The following CC2D1A variants were observed in gnomAD, a reference collection of about 807,000 sequenced individuals.
CC2D1A encodes the protein coiled-coil and C2 domain containing 1A, also known as coiled-coil and C2 domain-containing protein 1A.
Under a neutral mutation model 123.8 loss-of-function variants are expected in CC2D1A, and 68 were observed. The observed-to-expected ratio is 0.55, with a 90% CI of 0.45 to 0.67. The LOEUF is 0.67. Ranked by LOEUF, CC2D1A falls within the 30% of genes least tolerant of loss-of-function variation. The pLI is 0.00. For missense variants in CC2D1A, 1,185 were observed against 1,290.3 expected, an observed-to-expected ratio of 0.92 and a Z score of 1.25; for synonymous variants, 477 against 528.0, an observed-to-expected ratio of 0.90 and a Z score of 1.32.
In CC2D1A at chr19:13,918,772, C is replaced by A; in HGVS notation, c.973C>A (p.Pro325Thr). The change falls in exon 9 of 29, where the codon CCA becomes ACA. Residue 325 changes from proline to threonine, a missense_variant. Transcript: ENST00000318003. Reference sequence around the variant, plus strand: ...CCAGCTGCCCCCAGACCCACCGTCACCACCGTCGCAGCCTCCGACCCCCGC... The same window carrying A: ...CCAGCTGCCCCCAGACCCACCGTCAACACCGTCGCAGCCTCCGACCCCCGC... ...PDQLPPDPPS[P>T]PSQPPTPATA... 1 of 1,613,320 alleles carries A rather than the reference C, an allele frequency of 6.2e-7. No homozygotes were observed. Among genetic ancestry groups the A allele is most frequent in the Non-Finnish European group, 8.5e-7 (1 of 1,179,676 alleles).
At chr19:13,907,445 C>T (rs986538270) in intron 1 of CC2D1A, among the ~76,000 whole-genome samples, 3 of 151,812 alleles carry the variant, frequency 2.0e-5, no homozygotes, top group Non-Finnish European at 4.4e-5. Context: ...AATGGAAGTC[C>T]GGGGTGGTGT....
Position 13,918,925 on chromosome 19 carries a change from C to T in CC2D1A, c.1032C>T (p.Pro344=), listed in dbSNP as rs1971304149. The stretch of plus-strand genomic sequence containing the variant: ...TGTCCGGCCCAGAGGTGCCCCCACC[C>T]CCGAGGACCCTGCTGGAGGCGCTGG... The part of the protein sequence containing the change: ...TAPSTTEVPP[P]PRTLLEALEQ... Residue 344 remains proline, a synonymous_variant, in exon 10 of 29, where the codon CCC becomes CCT. Coordinates refer to ENST00000318003, the MANE Select transcript of CC2D1A (RefSeq NM_017721.5). 1 of 1,610,568 alleles carries T rather than the reference C, an allele frequency of 6.2e-7. No individual in the cohort carries two copies. Among genetic ancestry groups the T allele is most frequent in the Non-Finnish European group, 8.5e-7 (1 of 1,178,018 alleles).
At position 13,927,941 on chromosome 19, in the gene CC2D1A, C is replaced by A; in HGVS notation, c.2365C>A (p.Arg789=). 1 of 1,613,536 alleles carries A rather than the reference C, an allele frequency of 6.2e-7. No homozygotes were observed. Among genetic ancestry groups the A allele is most frequent in the Non-Finnish European group, 8.5e-7 (1 of 1,179,894 alleles). ...AGGGGGGCGACTGGAGGTAATGGTC[C>A]GGATTCGGGAGCCACTGACAGCCCA... ...PTGGRLEVMV[R]IREPLTAQQL... The change falls in exon 23 of 29, where the codon CGG becomes AGG. Residue 789 remains arginine, a synonymous_variant. Transcript: ENST00000318003.
At position 13,906,738 on chromosome 19, in the gene CC2D1A, C is replaced by G. The variant is rs1023066460; in HGVS notation, c.60+237C>G. The stretch of plus-strand genomic sequence containing the variant: ...CACCTGTTGCCACAGCTGCTCCAGT[C>G]GAGGAGGGGCAGTCCTCGGACTTGA... On this transcript the variant is annotated intron_variant, in intron 1 of 28. Transcript: ENST00000318003. The surrounding 1 kb of genome is among the most constrained non-coding windows in gnomAD (Gnocchi z 4.1). Among the ~76,000 whole-genome samples, 1 of 152,204 alleles carries G rather than the reference C, an allele frequency of 6.6e-6. No individual in the cohort carries two copies. The highest frequency in any genetic ancestry group is 6.5e-5 in the Admixed American group (1 of 15,274).
At position 13,928,010 on chromosome 19, in the gene CC2D1A, G is replaced by C. The variant is rs897012926; in HGVS notation, c.2434G>C (p.Val812Leu). 15 of 1,613,676 alleles carry C rather than the reference G, an allele frequency of 9.3e-6. No individual in the cohort carries two copies. Among genetic ancestry groups the C allele is most frequent in the Non-Finnish European group, 1.2e-5 (14 of 1,179,864 alleles). The change falls in exon 23 of 29, where the codon GTG (valine) becomes CTG (leucine). Residue 812 changes from valine to leucine, a missense_variant. Physicochemically the swap from Val to Leu is conservative, Grantham distance 32. Coordinates refer to ENST00000318003, the MANE Select transcript of CC2D1A (RefSeq NM_017721.5). ...AGAGAGGTGGCTGGTCATTGACCCTGTGCCGGCAGCTGTGCCCACAGTGAG... is the reference window on the plus strand; with the variant it reads ...AGAGAGGTGGCTGGTCATTGACCCTCTGCCGGCAGCTGTGCCCACAGTGAG... ...TTERWLVIDP[V>L]PAAVPTQVAG...
intron 6 of CC2D1A, among the ~76,000 whole-genome samples, chr19:13,916,863 G>A (rs1182928923): frequency 6.6e-6 from 1 of 152,102 alleles, no homozygotes; most frequent in Non-Finnish European, 1.5e-5. Context: ...TGTCTTTATT[G>A]TACTGTGTTA....
chr19:13,911,653 C>T, intron 2 of CC2D1A, among the ~76,000 whole-genome samples: 1 of 147,218 alleles, frequency 6.8e-6, no homozygotes, highest in Non-Finnish European at 1.5e-5. Context: ...TTAAGTGATT[C>T]TCCTGCCTCA....
In CC2D1A at chr19:13,930,482, A is replaced by G; in HGVS notation, c.*87A>G. 1 of 1,420,462 alleles carries G rather than the reference A, an allele frequency of 7.0e-7. No homozygotes were observed. Among genetic ancestry groups the G allele is most frequent in the South Asian group, 1.4e-5 (1 of 72,278 alleles). The allele number at this position is 1,420,462 out of a possible 1,614,324, so 88.0% of individuals were successfully genotyped here. A position where few individuals can be genotyped will look rare whatever the true frequency, so the allele number is the denominator to read the frequency against. On this transcript the variant is annotated 3_prime_UTR_variant, in exon 29 of 29. Coordinates refer to ENST00000318003, the MANE Select transcript of CC2D1A (RefSeq NM_017721.5). The surrounding 1 kb of genome is among the most constrained non-coding windows in gnomAD (Gnocchi z 6.8). ...CGACACAGCCACGAACCAGACAAGC[A>G]GACAATCAGCGGACAATCGGTTCTG...
intron 4 of CC2D1A, among the ~76,000 whole-genome samples, chr19:13,912,938 G>A (rs534850029): frequency 1.3e-5 from 2 of 152,312 alleles, no homozygotes; most frequent in South Asian, 2.1e-4. Context: ...GAGCCACCGC[G>A]CCTGGCCCAC....
In CC2D1A at chr19:13,920,799, G is replaced by T; in HGVS notation, c.1518G>T (p.Gln506His). ...AGGGCCGCAAGAAGCAGCTCCTGCA[G>T]GCCGCACTGCGAGCCAAGCAGAAAA... ...FLEGRKKQLL[Q>H]AALRAKQKND... Residue 506 changes from glutamine to histidine, a missense_variant, in exon 14 of 29, where the codon CAG (glutamine) becomes CAT (histidine). Physicochemically the swap from Gln to His is conservative, Grantham distance 24. Transcript: ENST00000318003. 6.2e-6 allele frequency: 10 copies of T among 1,614,152 alleles called. No individual in the cohort carries two copies. Among genetic ancestry groups the T allele is most frequent in the Non-Finnish European group, 8.5e-6 (10 of 1,179,996 alleles).
At chr19:13,914,636 A>G (rs1971137652) in intron 6 of CC2D1A, among the ~76,000 whole-genome samples, 1 of 143,550 alleles carries the variant, frequency 7.0e-6, no homozygotes, top group Admixed American at 7.0e-5. Flanking sequence ...GCCAGGCCTC[A>G]TCGCCTTTTT....
At position 13,925,989 on chromosome 19, in the gene CC2D1A, C is replaced by CGT. The variant is rs1163076274; in HGVS notation, c.1941-528_1941-527insGT. On this transcript the variant is annotated intron_variant, in intron 17 of 28. Coordinates refer to ENST00000318003, the MANE Select transcript of CC2D1A (RefSeq NM_017721.5). ...GTATATATATGTGTATATATATATA[C>CGT]ATATATGTGTGTATATATATATATA... 3.0e-3 allele frequency among the ~76,000 whole-genome samples: 171 copies of CGT among 57,266 alleles called. 2 individuals are homozygous for CGT. The highest frequency in any genetic ancestry group is 0.016 in the African/African-American group (166 of 10,270). 37.6% of individuals were successfully genotyped at this position (57,266 alleles called of 152,430 possible).
intron 17 of CC2D1A, 107 bp from the exon 18 acceptor site, chr19:13,926,409 TG>T: frequency 1.1e-6 from 1 of 916,644 alleles, no homozygotes; most frequent in African/African-American, 1.7e-5. Flanking sequence ...AAGGCCAGGG[TG>T]GGGTTTGTTC....
At position 13,923,752 on chromosome 19, in the gene CC2D1A, C is replaced by T. The variant is rs766483368; in HGVS notation, c.1881C>T (p.Phe627=). The change falls in exon 17 of 29, where the codon TTC becomes TTT. Residue 627 remains phenylalanine, a synonymous_variant. Coordinates refer to ENST00000318003, the MANE Select transcript of CC2D1A (RefSeq NM_017721.5). This position sits in a 1 kb window ranked among gnomAD's most constrained non-coding sequence, Gnocchi z 5.3. The part of the protein sequence containing the change: ...KRSMDILKQA[F]VRGLPTPTAR... Reference sequence around the variant, plus strand: ...GCATGGACATTCTGAAGCAAGCCTTCGTCCGGGGTCTCCCCACGCCCACCG... The same window carrying T: ...GCATGGACATTCTGAAGCAAGCCTTTGTCCGGGGTCTCCCCACGCCCACCG... 27 of 1,614,090 alleles carry T rather than the reference C, an allele frequency of 1.7e-5. No individual in the cohort carries two copies. The highest frequency in any genetic ancestry group is 2.7e-5 in the African/African-American group (2 of 74,936).
At position 13,918,540 on chromosome 19, in the gene CC2D1A, G is replaced by T; in HGVS notation, c.910G>T (p.Glu304Ter). ...TGTCTTGGAGGCCCTGAGCCGGGGT[G>T]AGCCCGTGGACCTCTCCTGCCTGCC... ...DAVLEALSRG[E>*]PVDLSCLPPP... Residue 304 changes from glutamate to a stop codon, truncating the protein, a stop_gained, in exon 8 of 29, where the codon GAG becomes TAG. Coordinates refer to ENST00000318003, the MANE Select transcript of CC2D1A (RefSeq NM_017721.5). LOFTEE classifies it high-confidence loss of function. 6.2e-7 allele frequency: 1 copy of T among 1,613,838 alleles called. No individual in the cohort carries two copies. The highest frequency in any genetic ancestry group is 1.1e-5 in the South Asian group (1 of 91,076).
Position 13,930,464 on chromosome 19 carries a change from GCCACGAA to G in CC2D1A, c.*73_*79del. The G allele has an allele frequency of 1.3e-6, 2 of 1,483,516 alleles. No homozygotes were observed. The highest frequency in any genetic ancestry group is 1.8e-6 in the Non-Finnish European group (2 of 1,107,332). The allele number at this position is 1,483,516 out of a possible 1,614,324, so 91.9% of individuals were successfully genotyped here. Reference sequence around the variant, plus strand: ...CCCGATACCGGGAAGAGCCGACACAGCCACGAACCAGACAAGCAGACAATCAGCGGAC... The same window carrying G: ...CCCGATACCGGGAAGAGCCGACACAGCCAGACAAGCAGACAATCAGCGGAC... On this transcript the variant is annotated 3_prime_UTR_variant, in exon 29 of 29. Coordinates refer to ENST00000318003, the MANE Select transcript of CC2D1A (RefSeq NM_017721.5). This position sits in a 1 kb window ranked among gnomAD's most constrained non-coding sequence, Gnocchi z 6.8.
At chr19:13,911,678 G>A (rs966807997) in intron 2 of CC2D1A, among the ~76,000 whole-genome samples, 7 of 150,640 alleles carry the variant, frequency 4.6e-5, no homozygotes, top group East Asian at 3.9e-4. Context: ...CTTTAGCAGC[G>A]GGGATTACAC....
chr19:13,923,192 CAAA>C lies in CC2D1A; in HGVS notation c.1642-130_1642-128del, dbSNP rs1056032126. On this transcript the variant is annotated intron_variant, in intron 14 of 28. Transcript: ENST00000318003. This position sits in a 1 kb window ranked among gnomAD's most constrained non-coding sequence, Gnocchi z 5.3. ...TGGGCAACAGAGCGAGACTCCATCT[CAAA>C]AAAAAAAAAAGACCAGAGAAGGGTG... 131 of 874,990 alleles carry C rather than the reference CAAA, an allele frequency of 1.5e-4. No individual in the cohort carries two copies. The highest frequency in any genetic ancestry group is 1.7e-4 in the South Asian group (9 of 53,634). The allele number at this position is 874,990 out of a possible 1,614,324, so 54.2% of individuals were successfully genotyped here. A position where few individuals can be genotyped will look rare whatever the true frequency, so the allele number is the denominator to read the frequency against.
In CC2D1A at chr19:13,906,573, A is replaced by G; in HGVS notation, c.60+72A>G. The G allele has an allele frequency of 4.0e-6, 4 of 1,002,620 alleles. No individual in the cohort carries two copies. The South Asian group carries it at 5.5e-5, about 14-fold the overall frequency. The allele number at this position is 1,002,620 out of a possible 1,614,324, so 62.1% of individuals were successfully genotyped here. A position where few individuals can be genotyped will look rare whatever the true frequency, so the allele number is the denominator to read the frequency against. On this transcript the variant is annotated intron_variant, in intron 1 of 28. Coordinates refer to ENST00000318003, the MANE Select transcript of CC2D1A (RefSeq NM_017721.5). This position sits in a 1 kb window ranked among gnomAD's most constrained non-coding sequence, Gnocchi z 4.1. ...CGTCACTCGCTCAGGGAAGGGCCCCACCCCCCAGGGAAGCCCGATCTCCGC... is the reference window on the plus strand; with the variant it reads ...CGTCACTCGCTCAGGGAAGGGCCCCGCCCCCCAGGGAAGCCCGATCTCCGC...
Sources: allele counts gnomAD v4.1 joint callset (sites outside exome capture counted in the v4.1 genomes callset), GRCh38; gene constraint gnomAD v4.1.1; non-coding constraint Gnocchi (gnomAD v3.1); transcripts MANE v1.5; gene names NCBI Gene and HGNC (gene_info 2026-07-23, HGNC 2026-07-21).